KIRREL1: variants seen among roughly 807,000 people sequenced by gnomAD.
The protein encoded by KIRREL1 is kin of IRRE-like protein 1.
In KIRREL1, 25 loss-of-function variants were observed where a neutral mutation model predicts 83.3. That is an observed-to-expected ratio of 0.30 (90% confidence interval 0.22 to 0.42). The LOEUF (loss-of-function observed/expected upper bound fraction) is 0.42. KIRREL1 is among the 10% of genes least tolerant of loss of function. The pLI is 1.00. For synonymous variants in KIRREL1, 388 were observed against 410.4 expected, an observed-to-expected ratio of 0.95 and a Z score of 0.66; for missense variants, 812 against 1,032.3, an observed-to-expected ratio of 0.79 and a Z score of 2.92.
chr1:158,015,800 A>G (rs1253693198), intron 1 of KIRREL1, among the ~76,000 whole-genome samples: 1 of 152,164 alleles, frequency 6.6e-6, no homozygotes, highest in Non-Finnish European at 1.5e-5. Context: ...TATTTAGTAT[A>G]TTAGTTTTAC....
chr1:158,002,492 T>C (rs1557984242), intron 1 of KIRREL1, among the ~76,000 whole-genome samples: 1 of 152,192 alleles, frequency 6.6e-6, no homozygotes, highest in Non-Finnish European at 1.5e-5. Flanking sequence ...TGGAGTCCTT[T>C]GAAGAGGGTC....
At chr1:158,036,891 G>A (rs1055746453) in intron 1 of KIRREL1, among the ~76,000 whole-genome samples, 8 of 152,206 alleles carry the variant, frequency 5.3e-5, no homozygotes, top group African/African-American at 1.2e-4. Flanking sequence ...GAGTGAGGAC[G>A]GCCGATAGCT....
chr1:158,007,262 TAGAA>T (rs1345167949), intron 1 of KIRREL1, among the ~76,000 whole-genome samples: 3 of 152,080 alleles, frequency 2.0e-5, no homozygotes, highest in Non-Finnish European at 4.4e-5. Context: ...CAGAAGAAGA[TAGAA>T]AGAGACACTG....
intron 1 of KIRREL1, among the ~76,000 whole-genome samples, chr1:158,012,229 T>G (rs1659709158): frequency 6.6e-6 from 1 of 152,162 alleles, no homozygotes; most frequent in African/African-American, 2.4e-5. Flanking sequence ...TGTGCTTTTT[T>G]GGGGCCTTGG....
chr1:158,084,568 G>A lies in KIRREL1; in HGVS notation c.499G>A (p.Val167Met), dbSNP rs1223249034. 7 of 1,551,662 alleles carry A rather than the reference G, an allele frequency of 4.5e-6. No homozygotes were observed. Among genetic ancestry groups the A allele is most frequent in the Non-Finnish European group, 6.1e-6 (7 of 1,146,976 alleles). ...GGACGGGACGCAGCAGGAGGGCGCT[G>A]TGGCCAGCACGGTGAGCTCCAGCCA... Reference protein sequence around the residue: ...FRDGTQQEGAVASTELLKDGK... With the variant: ...FRDGTQQEGAMASTELLKDGK... Residue 167 changes from valine (V) to methionine (M), a missense_variant, in exon 4 of 15, where the codon GTG (valine) becomes ATG (methionine). Val to Met is a conservative substitution (Grantham distance 21, BLOSUM62 1). Around this residue, in one of 3 missense-constraint regions of KIRREL1, gnomAD observed 472 missense variants for 626.8 expected, o/e 0.75. Coordinates refer to ENST00000359209, the MANE Select transcript of KIRREL1 (RefSeq NM_018240.7).
In KIRREL1 at chr1:158,088,400, C is replaced by T. The variant is rs765343938; in HGVS notation, c.990C>T (p.Val330=). Residue 330 remains valine, a synonymous_variant, in exon 8 of 15, where the codon GTC becomes GTT. Transcript: ENST00000359209. ...DIGSDVTLTC[V]WVGNPPLTLT... ...GCTCTGATGTGACCCTTACCTGTGT[C>T]TGGGTTGGGAATCCCCCCCTCACTC... 1 of 1,611,464 alleles carries T rather than the reference C, an allele frequency of 6.2e-7. No individual in the cohort carries two copies.
intron 1 of KIRREL1, among the ~76,000 whole-genome samples, chr1:158,026,404 G>T (rs565215630): frequency 1.3e-5 from 2 of 152,308 alleles, no homozygotes; most frequent in East Asian, 1.9e-4. Flanking sequence ...TCTAGGCCCC[G>T]TGGAGGACCC....
intron 1 of KIRREL1, among the ~76,000 whole-genome samples, chr1:158,004,939 G>A (rs897084430): frequency 6.6e-6 from 1 of 152,158 alleles, no homozygotes; most frequent in Admixed American, 6.5e-5. Context: ...GCAAGACTCT[G>A]TCTCAAAAAT....
intron 8 of KIRREL1, 36 bp from the exon 9 acceptor site, chr1:158,089,466 C>G (rs1662123414): frequency 6.2e-7 from 1 of 1,612,934 alleles, no homozygotes; most frequent in Non-Finnish European, 8.5e-7. Flanking sequence ...GCCCAGGCCT[C>G]CTGGCTCCCC....
chr1:158,055,512 C>G (rs759893479), intron 1 of KIRREL1, among the ~76,000 whole-genome samples: 6 of 152,194 alleles, frequency 3.9e-5, no homozygotes. Context: ...ACCTCATGGG[C>G]AAGAGTGGCG....
At chr1:158,090,375 C>A (rs1662159792) in intron 10 of KIRREL1, among the ~76,000 whole-genome samples, 1 of 152,156 alleles carries the variant, frequency 6.6e-6, no homozygotes. Context: ...TCTCCTCCCT[C>A]CTTTCTCCTC....
intron 1 of KIRREL1, among the ~76,000 whole-genome samples, chr1:158,068,492 C>A (rs766212926): frequency 6.6e-6 from 1 of 152,204 alleles, no homozygotes. Context: ...ACCCCTCATC[C>A]GCAGTAGCTG....
intron 1 of KIRREL1, among the ~76,000 whole-genome samples, chr1:158,009,461 T>C (rs1435997871): frequency 6.6e-6 from 1 of 152,244 alleles, no homozygotes; most frequent in Non-Finnish European, 1.5e-5. Flanking sequence ...AAATGGTGGC[T>C]GTTGTTACTA....
intron 1 of KIRREL1, among the ~76,000 whole-genome samples, chr1:158,007,299 C>T (rs528982548): frequency 3.9e-5 from 6 of 152,174 alleles, no homozygotes; most frequent in Admixed American, 2.0e-4. Context: ...CAGCGAGGGA[C>T]GTTTCCTCAG....
At chr1:158,008,160 G>T (rs1659574378) in intron 1 of KIRREL1, among the ~76,000 whole-genome samples, 1 of 152,152 alleles carries the variant, frequency 6.6e-6, no homozygotes, top group African/African-American at 2.4e-5. Context: ...GGCAGCGAGG[G>T]GGGTGGGGAG....
chr1:158,067,656 G>A (rs994151947), intron 1 of KIRREL1, among the ~76,000 whole-genome samples: 7 of 152,244 alleles, frequency 4.6e-5, no homozygotes, highest in Admixed American at 2.6e-4. Context: ...GCAGGTTGGT[G>A]GCAGAGCCAG....
At position 157,993,662 on chromosome 1, in the gene KIRREL1, C is replaced by T. The variant is rs1659104597; in HGVS notation, c.-15C>T. The stretch of plus-strand genomic sequence containing the variant: ...CGGGCCCCAGCCGCGGGCGGGCGCA[C>T]GGCGGGCGGACAGCATGCTGAGCCT... On this transcript the variant is annotated 5_prime_UTR_variant, in exon 1 of 15. In the 5' UTR this introduces an upstream ATG that the reference lacks. Transcript: ENST00000359209. 6.8e-6 allele frequency: 10 copies of T among 1,469,632 alleles called. No individual in the cohort carries two copies. In the East Asian group the frequency reaches 9.0e-5, roughly 13 times the overall value. 91.0% of individuals were successfully genotyped at this position (1,469,632 alleles called of 1,614,324 possible). A position where few individuals can be genotyped will look rare whatever the true frequency, so the allele number is the denominator to read the frequency against.
chr1:158,091,652 C>G (rs549046291), intron 11 of KIRREL1, 96 bp downstream of exon 11: 1 of 1,194,246 alleles, frequency 8.4e-7, no homozygotes, highest in African/African-American at 1.5e-5. Flanking sequence ...GCTCCCCTTC[C>G]CTTGGGCTCT....
Position 158,093,518 on chromosome 1 carries a change from G to A in KIRREL1, c.1579+72G>A, listed in dbSNP as rs1239734378. 5 of 1,602,524 alleles carry A rather than the reference G, an allele frequency of 3.1e-6. No homozygotes were observed. In the Admixed American group the frequency reaches 5.0e-5, roughly 16 times the overall value. On this transcript the variant is annotated intron_variant, in intron 12 of 14. Coordinates refer to ENST00000359209, the MANE Select transcript of KIRREL1 (RefSeq NM_018240.7). ...AGGGCCATGACAGGCAGTGCTTGGG[G>A]TGGATGGGAGGTTGGCCCTTGAGCT...
Sources: gnomAD v4.1 joint callset for allele counts (sites outside exome capture counted in the v4.1 genomes callset) on GRCh38, gnomAD v4.1.1 for gene constraint, gnomAD v4.1.1 regional missense constraint, MANE v1.5 for transcripts, NCBI Gene and HGNC (gene_info 2026-07-23, HGNC 2026-07-21) for gene names.